GALNT5: variants seen among roughly 807,000 people sequenced by gnomAD.
The protein encoded by GALNT5 is polypeptide N-acetylgalactosaminyltransferase 5.
In GALNT5, 72 loss-of-function variants were observed where a neutral mutation model predicts 85.4. The ratio of observed to expected loss-of-function variants is 0.84; its 90% confidence interval spans 0.70 to 1.03. The LOEUF (loss-of-function observed/expected upper bound fraction) is 1.03, where lower values mean the gene tolerates loss of function less well. Among genes scored for constraint, GALNT5 ranks in the 50% least tolerant of loss-of-function variants. GALNT5 has a pLI of 0.00. For synonymous variants in GALNT5, 404 were observed against 397.0 expected (o/e 1.02, Z -0.21); for missense variants, 1,137 against 1,135.5 (o/e 1.00, Z -0.02).
rs1288089376 is a variant in GALNT5, at chr2:157,317,198, A to ATTTTT, written c.*5857_*5861dup. ...TGTATATATATATATATATATATAT[A>ATTTTT]TTTTTTTTTTTGATGCTTTGATCTG... On this transcript the variant is annotated 3_prime_UTR_variant, in exon 10 of 10. Transcript: ENST00000259056. Among the ~76,000 whole-genome samples the ATTTTT allele has an allele frequency of 1.1e-3, 143 of 132,960 alleles. No individual in the cohort carries two copies. In the East Asian group the frequency reaches 0.014, roughly 13 times the overall value. The allele number at this position is 132,960 out of a possible 152,430, so 87.2% of individuals were successfully genotyped here.
rs1337683689 is a variant in GALNT5, at chr2:157,285,854, CAAG to C, written c.1622-158_1622-156del. Among the ~76,000 whole-genome samples the C allele has an allele frequency of 2.0e-5, 3 of 152,210 alleles. No individual in the cohort carries two copies. The South Asian group carries it at 6.2e-4, about 32-fold the overall frequency. On this transcript the variant is annotated intron_variant, in intron 2 of 9. Coordinates refer to ENST00000259056, the MANE Select transcript of GALNT5 (RefSeq NM_014568.3). Reference sequence around the variant, plus strand: ...ATACTGAAACCAGATAGAATCCTTCCAAGAAAATGACATCAGAAAATAAAATTA... The same window carrying C: ...ATACTGAAACCAGATAGAATCCTTCCAAAATGACATCAGAAAATAAAATTA...
intron 1 of GALNT5, among the ~76,000 whole-genome samples, chr2:157,278,983 C>T (rs1682798291): frequency 1.3e-5 from 2 of 152,182 alleles, no homozygotes; most frequent in Non-Finnish European, 2.9e-5. Flanking sequence ...ATGCTGGTGA[C>T]CTACAGATGG....
At chr2:157,303,871 A>C (rs981202009) in intron 7 of GALNT5, among the ~76,000 whole-genome samples, 1 of 152,204 alleles carries the variant, frequency 6.6e-6, no homozygotes. Context: ...GTCCTGACCA[A>C]TGTTACTTGT....
chr2:157,309,454 A>T (rs1014368417), intron 9 of GALNT5, among the ~76,000 whole-genome samples: 1 of 152,320 alleles, frequency 6.6e-6, no homozygotes, highest in Non-Finnish European at 1.5e-5. Context: ...TCCCAATTAC[A>T]TTTTAACAGA....
At chr2:157,261,948 G>A (rs1194021767) in intron 1 of GALNT5, among the ~76,000 whole-genome samples, 1 of 151,846 alleles carries the variant, frequency 6.6e-6, no homozygotes, top group Non-Finnish European at 1.5e-5. Flanking sequence ...CAGCATAAGG[G>A]GAAATTGTTA....
rs368604176 is a variant in GALNT5, at chr2:157,271,284, A to G, written c.1454+11748A>G. 3.5e-4 allele frequency among the ~76,000 whole-genome samples: 53 copies of G among 152,344 alleles called. No homozygotes were observed. The East Asian group carries it at 9.1e-3, about 26-fold the overall frequency. The stretch of plus-strand genomic sequence containing the variant: ...TCTTCAGGGAACTGAAAGAAGGCCA[A>G]GGTGGAGTGTGTGAGGGGAGAGTGG... On this transcript the variant is annotated intron_variant, in intron 1 of 9. Transcript: ENST00000259056.
chr2:157,265,659 T>C (rs188429743), intron 1 of GALNT5, among the ~76,000 whole-genome samples: 160 of 152,332 alleles, frequency 1.1e-3, no homozygotes, highest in African/African-American at 3.7e-3. Flanking sequence ...CTGGTACTCT[T>C]GGCCCTGAAA....
chr2:157,306,475 TAG>T (rs1296239023), intron 8 of GALNT5, among the ~76,000 whole-genome samples: 5 of 152,188 alleles, frequency 3.3e-5, no homozygotes, highest in Admixed American at 3.3e-4. Context: ...AAGCAGGGAA[TAG>T]AGACTCCTTC....
Position 157,286,893 on chromosome 2 carries a change from AGTGTGTGTGTGTGTGT to A in GALNT5, c.1741+788_1741+803del, listed in dbSNP as rs3072178. On this transcript the variant is annotated intron_variant, in intron 3 of 9. Transcript: ENST00000259056. Reference sequence around the variant, plus strand: ...TCCTCACACACTTTGTTTAAATACCAGTGTGTGTGTGTGTGTGTGTGTGTGTGTGTGTGTGTGTGTG... The same window carrying A: ...TCCTCACACACTTTGTTTAAATACCAGTGTGTGTGTGTGTGTGTGTGTGTG... 4.1e-3 allele frequency among the ~76,000 whole-genome samples: 558 copies of A among 135,892 alleles called. 5 individuals are homozygous for A. The highest frequency in any genetic ancestry group is 0.014 in the African/African-American group (495 of 35,938). 89.2% of individuals were successfully genotyped at this position (135,892 alleles called of 152,430 possible). A position where few individuals can be genotyped will look rare whatever the true frequency, so the allele number is the denominator to read the frequency against.
rs1017633434 is a variant in GALNT5, at chr2:157,257,912, C to G, written c.-171C>G. 1.1e-5 allele frequency: 7 copies of G among 659,944 alleles called. No homozygotes were observed. The highest frequency in any genetic ancestry group is 7.4e-5 in the South Asian group (4 of 54,328). 40.9% of individuals were successfully genotyped at this position (659,944 alleles called of 1,614,324 possible). A position where few individuals can be genotyped will look rare whatever the true frequency, so the allele number is the denominator to read the frequency against. On this transcript the variant is annotated 5_prime_UTR_variant, in exon 1 of 10. Coordinates refer to ENST00000259056, the MANE Select transcript of GALNT5 (RefSeq NM_014568.3). ...TGCCACGCAGGCAGAGACTGACAAGCGGTAGGAACTGAGCTTTCCCCTTGG... is the reference window on the plus strand; with the variant it reads ...TGCCACGCAGGCAGAGACTGACAAGGGGTAGGAACTGAGCTTTCCCCTTGG...
At chr2:157,284,195 T>C in intron 1 of GALNT5, 87 bp from the exon 2 acceptor site, 2 of 996,808 alleles carry the variant, frequency 2.0e-6, no homozygotes, top group Non-Finnish European at 3.2e-6. Flanking sequence ...TGTGTGTATA[T>C]GCACACCATC....
At chr2:157,303,878 T>C (rs1431374255) in intron 7 of GALNT5, among the ~76,000 whole-genome samples, 1 of 152,228 alleles carries the variant, frequency 6.6e-6, no homozygotes, top group East Asian at 1.9e-4. Flanking sequence ...CCAATGTTAC[T>C]TGTGCTGTCT....
At position 157,300,953 on chromosome 2, in the gene GALNT5, A is replaced by G. The variant is rs749994774; in HGVS notation, c.2393A>G (p.Asn798Ser). Residue 798 changes from asparagine (N) to serine (S), a missense_variant, in exon 7 of 10, where the codon AAT becomes AGT. Coordinates refer to ENST00000259056, the MANE Select transcript of GALNT5 (RefSeq NM_014568.3). ...KCKSFKWYLE[N>S]VFPDLRAPIV... ...AAAAGTTTCAAATGGTACTTGGAGA[A>G]TGTCTTTCCTGACTTAAGGGCTCCC... The G allele has an allele frequency of 6.2e-7, 1 of 1,614,124 alleles. No homozygotes were observed. Among genetic ancestry groups the G allele is most frequent in the Non-Finnish European group, 8.5e-7 (1 of 1,179,980 alleles).
chr2:157,286,050 C>T lies in GALNT5; in HGVS notation c.1657C>T (p.Gln553Ter), dbSNP rs1303304913. 4.4e-6 allele frequency: 7 copies of T among 1,603,556 alleles called. No individual in the cohort carries two copies. Among genetic ancestry groups the T allele is most frequent in the Non-Finnish European group, 6.0e-6 (7 of 1,170,372 alleles). ...AGATAATTTGGATAAATACATGTCCCAGTTTCCAAAAGTTCGGATTCTTCG... is the reference window on the plus strand; with the variant it reads ...AGATAATTTGGATAAATACATGTCCTAGTTTCCAAAAGTTCGGATTCTTCG... ...LKDNLDKYMS[Q>*]FPKVRILRLK... The change falls in exon 3 of 10, where the codon CAG becomes TAG. Residue 553 changes from glutamine to a stop codon, truncating the protein, a stop_gained. Transcript: ENST00000259056. LOFTEE classifies it high-confidence loss of function.
chr2:157,300,466 A>G (rs1315015687), intron 6 of GALNT5, among the ~76,000 whole-genome samples: 1 of 152,252 alleles, frequency 6.6e-6, no homozygotes, highest in Non-Finnish European at 1.5e-5. Context: ...TTAGGAAAGA[A>G]AAAATTACAT....
intron 1 of GALNT5, among the ~76,000 whole-genome samples, chr2:157,260,533 T>C (rs958513249): frequency 3.9e-5 from 6 of 152,236 alleles, no homozygotes; most frequent in Admixed American, 3.9e-4. Flanking sequence ...CAGCCGTATG[T>C]TCAATATCTG....
intron 8 of GALNT5, among the ~76,000 whole-genome samples, chr2:157,307,015 T>A (rs1683468057): frequency 6.6e-6 from 1 of 152,212 alleles, no homozygotes; most frequent in African/African-American, 2.4e-5. Flanking sequence ...AATGCATTTT[T>A]TTTTTTTTAG....
intron 6 of GALNT5, among the ~76,000 whole-genome samples, chr2:157,299,897 T>C (rs1454671790): frequency 6.6e-6 from 1 of 152,178 alleles, no homozygotes; most frequent in African/African-American, 2.4e-5. Context: ...TTTCTGCTTA[T>C]AAATATGGGG....
At position 157,318,163 on chromosome 2, in the gene GALNT5, A is replaced by G. The variant is rs1683761089; in HGVS notation, c.*6815A>G. ...TCCTTCTCCATAATTCTCTATTATT[A>G]CTTATTTTAAATGTTTTCCCTATCA... On this transcript the variant is annotated 3_prime_UTR_variant, in exon 10 of 10. Coordinates refer to ENST00000259056, the MANE Select transcript of GALNT5 (RefSeq NM_014568.3). 6.6e-6 allele frequency among the ~76,000 whole-genome samples: 1 copy of G among 152,138 alleles called. No individual in the cohort carries two copies. Among genetic ancestry groups the G allele is most frequent in the African/African-American group, 2.4e-5 (1 of 41,466 alleles).
Sources: allele counts gnomAD v4.1 joint callset (sites outside exome capture counted in the v4.1 genomes callset), GRCh38; gene constraint gnomAD v4.1.1; transcripts MANE v1.5; gene names NCBI Gene and HGNC (gene_info 2026-07-23, HGNC 2026-07-21).